The following SPATA13 variants were observed in gnomAD, a reference collection of about 807,000 sequenced individuals.
The protein encoded by SPATA13 is spermatogenesis associated 13.
In SPATA13, 50 loss-of-function variants were observed where a neutral mutation model predicts 104.0. That is an observed-to-expected ratio of 0.48 (90% CI 0.38 to 0.61). SPATA13 has a LOEUF of 0.61. Ranked by LOEUF, SPATA13 falls within the 20% of genes least tolerant of loss-of-function variation. The pLI is 0.00. For synonymous variants in SPATA13, 606 were observed against 667.5 expected (o/e 0.91, Z 1.42); for missense variants, 1,524 against 1,690.6 (o/e 0.90, Z 1.73).
chr13:24,132,834 C>T (rs1180796913), intron 3 of SPATA13, among the ~76,000 whole-genome samples: 8 of 152,096 alleles, frequency 5.3e-5, no homozygotes, highest in East Asian at 3.9e-4. Context: ...ATTAGCCAGT[C>T]GTGGTGGCAC....
At chr13:24,157,366 G>T (rs370780327), upstream of SPATA13, among the ~76,000 whole-genome samples, 1 of 152,020 alleles carries the variant, frequency 6.6e-6, no homozygotes, top group South Asian at 2.1e-4. Flanking sequence ...GGGCGCGATC[G>T]CGGCTCACTG....
chr13:24,248,297 C>T (rs1420026785), intron 2 of SPATA13, among the ~76,000 whole-genome samples: 1 of 152,200 alleles, frequency 6.6e-6, no homozygotes, highest in African/African-American at 2.4e-5. Flanking sequence ...TGCGTCTCAT[C>T]CTTCTAAGGA....
intron 1 of SPATA13, among the ~76,000 whole-genome samples, chr13:24,221,634 G>A (rs1306818741): frequency 1.3e-5 from 2 of 152,082 alleles, no homozygotes; most frequent in African/African-American, 4.8e-5. Flanking sequence ...ACACAGGTGT[G>A]TGGGAAAGTA....
intron 2 of SPATA13, among the ~76,000 whole-genome samples, chr13:24,225,456 C>T (rs528029424): frequency 5.9e-5 from 9 of 152,346 alleles, no homozygotes; most frequent in East Asian, 5.8e-4. Context: ...GAGGGTGTTA[C>T]GGCCTGTCAC....
chr13:24,152,453 T>C (rs1882124505), intron 3 of SPATA13, among the ~76,000 whole-genome samples: 1 of 152,226 alleles, frequency 6.6e-6, no homozygotes, highest in South Asian at 2.1e-4. Context: ...ACCCATCCTG[T>C]CACATTGTGT....
intron 3 of SPATA13, among the ~76,000 whole-genome samples, chr13:24,151,074 A>G (rs1272913452): frequency 1.3e-5 from 2 of 152,230 alleles, no homozygotes; most frequent in African/African-American, 4.8e-5. Flanking sequence ...CATAATCCTC[A>G]TAATTTTACA....
At position 24,297,599 on chromosome 13, in the gene SPATA13, G is replaced by C. The variant is rs1364483487; in HGVS notation, c.3447G>C (p.Val1149=). The C allele has an allele frequency of 1.2e-6, 2 of 1,614,236 alleles. No homozygotes were observed. Among genetic ancestry groups the C allele is most frequent in the South Asian group, 2.2e-5 (2 of 91,088 alleles). ...GCGACAAGGACTGCAACCTCAGCGT[G>C]AAAAATGCCTTCAAGCTCGTCAGTA... ...DGRDKDCNLS[V]KNAFKLVSRT... is the part of the protein sequence containing the mutation. The change falls in exon 11 of 13, where the codon GTG becomes GTC. Residue 1149 remains valine (V), a synonymous_variant. Transcript: ENST00000382108.
At chr13:24,171,419 G>A (rs1253049849) in intron 1 of SPATA13, among the ~76,000 whole-genome samples, 1 of 152,240 alleles carries the variant, frequency 6.6e-6, no homozygotes, top group Admixed American at 6.5e-5. Context: ...GCCATCACAC[G>A]TGTCTCACGT....
At position 24,248,432 on chromosome 13, in the gene SPATA13, G is replaced by T. The variant is rs556202962; in HGVS notation, c.1654-1045G>T. 5.9e-5 allele frequency among the ~76,000 whole-genome samples: 9 copies of T among 152,330 alleles called. 1 individual carries two copies. Among genetic ancestry groups the T allele is most frequent in the Admixed American group, 2.6e-4 (4 of 15,300 alleles). On this transcript the variant is annotated intron_variant, in intron 2 of 12. Transcript: ENST00000382108. ...ATGTCTGCTCGATTCCCAGCATCAT[G>T]TGCTTTTCTGGTACATTGTGTTGCC... is the stretch of plus-strand genomic sequence containing the variant.
At chr13:24,233,621 C>T (rs987801129) in intron 2 of SPATA13, among the ~76,000 whole-genome samples, 5 of 151,648 alleles carry the variant, frequency 3.3e-5, no homozygotes, top group Admixed American at 2.0e-4. Flanking sequence ...TTTTCTAAGT[C>T]AGTTTAAAAA....
At chr13:24,134,507 G>C (rs1318686700) in intron 3 of SPATA13, among the ~76,000 whole-genome samples, 1 of 152,196 alleles carries the variant, frequency 6.6e-6, no homozygotes, top group Non-Finnish European at 1.5e-5. Context: ...GCTTAAGCCA[G>C]GCCTGGATTA....
chr13:24,062,385 A>G (rs1326125903), intron 3 of SPATA13, among the ~76,000 whole-genome samples: 1 of 152,208 alleles, frequency 6.6e-6, no homozygotes, highest in Non-Finnish European at 1.5e-5. Context: ...GCTGATCAGG[A>G]CGAAGAGAGC....
At chr13:24,281,552 G>A (rs570700557) in intron 4 of SPATA13, among the ~76,000 whole-genome samples, 3 of 152,192 alleles carry the variant, frequency 2.0e-5, no homozygotes, top group African/African-American at 4.8e-5. Flanking sequence ...TCAATGTGGC[G>A]TGTGCTGTCA....
At chr13:24,021,878 A>C (rs910275890) in intron 3 of SPATA13, among the ~76,000 whole-genome samples, 2 of 151,248 alleles carry the variant, frequency 1.3e-5, no homozygotes, top group African/African-American at 4.9e-5. Flanking sequence ...CGCCTGACTA[A>C]TTTTTTATAT....
At position 24,161,899 on chromosome 13, in the gene SPATA13, G is replaced by T. The variant is rs1467728423; in HGVS notation, c.-112+967G>T. 1.3e-5 allele frequency among the ~76,000 whole-genome samples: 2 copies of T among 152,014 alleles called. No homozygotes were observed. Among genetic ancestry groups the T allele is most frequent in the Non-Finnish European group, 1.5e-5 (1 of 68,018 alleles). ...TTTGCTGCCTCGTGTTTTCTTCTCT[G>T]TGAACCTTTCCTGGTCACCCAGCGA... On this transcript the variant is annotated intron_variant, in intron 1 of 12. Transcript: ENST00000382108. This position sits in a 1 kb window ranked among gnomAD's most constrained non-coding sequence, Gnocchi z 4.5.
At chr13:24,195,575 A>G (rs1870011341) in intron 1 of SPATA13, among the ~76,000 whole-genome samples, 1 of 152,160 alleles carries the variant, frequency 6.6e-6, no homozygotes, top group Non-Finnish European at 1.5e-5. Context: ...GCAATATAAG[A>G]GTGTTCTGAT....
At chr13:24,049,501 A>G (rs1481569679) in intron 3 of SPATA13, among the ~76,000 whole-genome samples, 1 of 152,302 alleles carries the variant, frequency 6.6e-6, no homozygotes, top group East Asian at 1.9e-4. Flanking sequence ...TACATTTCTC[A>G]GAATGTAGCC....
At chr13:24,086,697 C>T (rs905574503) in intron 3 of SPATA13, among the ~76,000 whole-genome samples, 1 of 152,074 alleles carries the variant, frequency 6.6e-6, no homozygotes, top group Non-Finnish European at 1.5e-5. Context: ...GGCAGACTCC[C>T]GAGTTCTCTT....
rs754079283 is a variant in SPATA13, at chr13:24,223,830, G to C, written c.901G>C (p.Gly301Arg). Residue 301 changes from glycine to arginine, a missense_variant, in exon 2 of 13, where the codon GGG (glycine) becomes CGG (arginine). Transcript: ENST00000382108. ...SSSSTDSQKLGSGRTKRWRSP... is the reference protein window; with the variant it reads ...SSSSTDSQKLRSGRTKRWRSP... ...TTCCTCCACTGACTCCCAAAAGCTT[G>C]GGTCAGGAAGGACCAAACGCTGGAG... 4 of 1,551,770 alleles carry C rather than the reference G, an allele frequency of 2.6e-6. No homozygotes were observed. In the South Asian group the frequency reaches 4.8e-5, roughly 18 times the overall value.
Sources: allele counts gnomAD v4.1 joint callset (sites outside exome capture counted in the v4.1 genomes callset), GRCh38; gene constraint gnomAD v4.1.1; non-coding constraint Gnocchi (gnomAD v3.1); transcripts MANE v1.5; gene names NCBI Gene and HGNC (gene_info 2026-07-23, HGNC 2026-07-21).